The following ULK4 variants were observed in gnomAD, a reference collection of about 807,000 sequenced individuals.
The protein encoded by ULK4 is unc-51 like kinase 4.
A neutral mutation model predicts 160.6 loss-of-function variants in ULK4; 133 were observed. The ratio of observed to expected loss-of-function variants is 0.83; its 90% CI spans 0.72 to 0.96. ULK4 has a LOEUF of 0.96. ULK4 is among the 40% of genes least tolerant of loss of function. The pLI is 0.00. For missense variants in ULK4, 1,580 were observed against 1,499.5 expected (o/e 1.05, Z -0.89); for synonymous variants, 534 against 539.8 (o/e 0.99, Z 0.15).
intron 22 of ULK4, among the ~76,000 whole-genome samples, chr3:41,727,113 C>T (rs2037679105): frequency 1.3e-5 from 2 of 152,192 alleles, no homozygotes; most frequent in Admixed American, 1.3e-4. Context: ...GCATTGCACA[C>T]ACATCCACCT....
intron 32 of ULK4, among the ~76,000 whole-genome samples, chr3:41,534,460 TCTTA>T (rs2086423296): frequency 6.6e-6 from 1 of 151,704 alleles, no homozygotes; most frequent in African/African-American, 2.4e-5. Context: ...AAAGAAAAGG[TCTTA>T]CTTTTTTTTA....
intron 35 of ULK4, among the ~76,000 whole-genome samples, chr3:41,329,923 C>T (rs6801474): frequency 0.31 from 46,511 of 152,002 alleles, 8,417 homozygotes; most frequent in African/African-American, 0.51. Flanking sequence ...TATGAGATTA[C>T]TGACCTGAAT....
chr3:41,481,403 T>A (rs1392994127), intron 32 of ULK4, among the ~76,000 whole-genome samples: 1 of 152,204 alleles, frequency 6.6e-6, no homozygotes, highest in Non-Finnish European at 1.5e-5. Context: ...GGCTGAAATC[T>A]ACTGGGCTGC....
chr3:41,790,726 G>C (rs1472645338), intron 20 of ULK4, among the ~76,000 whole-genome samples: 1 of 152,140 alleles, frequency 6.6e-6, no homozygotes, highest in Non-Finnish European at 1.5e-5. Context: ...CAGTAGGAAA[G>C]AAGAAAACCT....
intron 14 of ULK4, among the ~76,000 whole-genome samples, 177 bp downstream of exon 14, chr3:41,898,255 C>T (rs189164636): frequency 6.6e-6 from 1 of 152,206 alleles, no homozygotes; most frequent in East Asian, 1.9e-4. Context: ...ATGTCAACAG[C>T]TGGCACAAAT....
At position 41,951,140 on chromosome 3, in the gene ULK4, G is replaced by A. The variant is rs1475175137; in HGVS notation, c.138+3482C>T. 2.4e-4 allele frequency among the ~76,000 whole-genome samples: 14 copies of A among 58,076 alleles called. 2 individuals carry two copies. Among genetic ancestry groups the A allele is most frequent in the Middle Eastern group, 0.029 (2 of 70 alleles). The allele number at this position is 58,076 out of a possible 152,430, so 38.1% of individuals were successfully genotyped here. ...AGCCTGGAGGACAGAGCGAGGCTTC[G>A]TCTCAAAAAAAAAAAAAAAAAAAAA... On this transcript the variant is annotated intron_variant, in intron 2 of 36. Coordinates refer to ENST00000301831, the MANE Select transcript of ULK4 (RefSeq NM_017886.4).
At chr3:41,454,109 T>C (rs2083483944) in intron 34 of ULK4, among the ~76,000 whole-genome samples, 2 of 148,156 alleles carry the variant, frequency 1.3e-5, no homozygotes, top group African/African-American at 2.5e-5. Flanking sequence ...CACACCAACA[T>C]GGCACATGTA....
At chr3:41,765,871 G>GAT (rs2039145163) in intron 21 of ULK4, among the ~76,000 whole-genome samples, 1 of 152,044 alleles carries the variant, frequency 6.6e-6, no homozygotes, top group South Asian at 2.1e-4. Context: ...ACAACAAAAT[G>GAT]ATATGAACAA....
intron 21 of ULK4, among the ~76,000 whole-genome samples, chr3:41,781,022 AAG>A (rs1001822280): frequency 6.7e-6 from 1 of 150,260 alleles, no homozygotes; most frequent in African/African-American, 2.5e-5. Flanking sequence ...TAGAGGCAGA[AAG>A]AGAGATTTAT....
At chr3:41,473,715 A>G (rs568794303) in intron 32 of ULK4, among the ~76,000 whole-genome samples, 3 of 151,584 alleles carry the variant, frequency 2.0e-5, no homozygotes, top group Non-Finnish European at 2.9e-5. Context: ...TAAATTTAAC[A>G]AACTTTCTGA....
At chr3:41,488,539 G>T (rs911653121) in intron 32 of ULK4, among the ~76,000 whole-genome samples, 6 of 152,106 alleles carry the variant, frequency 3.9e-5, no homozygotes, top group African/African-American at 1.4e-4. Context: ...TTTTGTGACT[G>T]GAAAAGATAC....
chr3:41,289,873 A>G (rs866926055), intron 35 of ULK4, among the ~76,000 whole-genome samples: 44 of 150,302 alleles, frequency 2.9e-4, no homozygotes, highest in South Asian at 1.5e-3. Flanking sequence ...GTATGTATGT[A>G]TGTGTGTGTG....
At chr3:41,552,717 A>AT (rs2087119503) in intron 32 of ULK4, among the ~76,000 whole-genome samples, 1 of 137,200 alleles carries the variant, frequency 7.3e-6, no homozygotes, top group African/African-American at 2.7e-5. Flanking sequence ...TACTGATGCT[A>AT]TTTTTTACAG....
chr3:41,492,961 T>A (rs199680466), intron 32 of ULK4, among the ~76,000 whole-genome samples: 10 of 141,654 alleles, frequency 7.1e-5, no homozygotes, highest in South Asian at 2.4e-4. Flanking sequence ...AGACTTAGAC[T>A]CCCACACAAT....
intron 1 of ULK4, among the ~76,000 whole-genome samples, chr3:41,955,252 T>C (rs1274987667): frequency 6.6e-6 from 1 of 152,206 alleles, no homozygotes; most frequent in East Asian, 1.9e-4. Flanking sequence ...ATCGCACCAC[T>C]GCACTCCAAC....
intron 31 of ULK4, among the ~76,000 whole-genome samples, chr3:41,575,391 G>A (rs1467019522): frequency 3.9e-5 from 6 of 152,272 alleles, no homozygotes; most frequent in South Asian, 2.1e-4. Flanking sequence ...TCTAGGGGTT[G>A]AGCAGGCTCT....
chr3:41,634,398 A>G (rs1268979880), intron 30 of ULK4, among the ~76,000 whole-genome samples: 2 of 152,232 alleles, frequency 1.3e-5, no homozygotes, highest in Non-Finnish European at 2.9e-5. Context: ...AACAGGAAAC[A>G]AGATGAAAGA....
intron 22 of ULK4, among the ~76,000 whole-genome samples, chr3:41,751,036 AGGAG>A (rs1171668351): frequency 9.7e-5 from 1 of 10,328 alleles, no homozygotes; most frequent in Admixed American, 1.2e-3. Flanking sequence ...GAGGGAGGGA[AGGAG>A]GGAGGGTGGG....
intron 32 of ULK4, among the ~76,000 whole-genome samples, chr3:41,533,814 T>C (rs544510171): frequency 6.6e-6 from 1 of 152,354 alleles, no homozygotes; most frequent in African/African-American, 2.4e-5. Context: ...GTACACTTTC[T>C]TTTTGTTTTT....
Sources: gnomAD v4.1 joint callset for allele counts (sites outside exome capture counted in the v4.1 genomes callset) on GRCh38, gnomAD v4.1.1 for gene constraint, MANE v1.5 for transcripts, NCBI Gene and HGNC (gene_info 2026-07-23, HGNC 2026-07-21) for gene names.